The following DRC11 variants were observed in gnomAD, a reference collection of about 807,000 sequenced individuals.
DRC11 encodes the protein dynein regulatory complex subunit 11, also known as IQ and AAA domain-containing protein 1.
At chr2:236,368,385 G>A in the DRC11 span, 8 of 708,216 alleles carry the variant, frequency 1.1e-5, no homozygotes, top group East Asian at 8.2e-5. Context: ...CAAAACGATC[G>A]GAGAATACAA....
chr2:236,459,567 ATG>A, the DRC11 span, among the ~76,000 whole-genome samples: 80 of 143,768 alleles, frequency 5.6e-4, no homozygotes, highest in Admixed American at 1.2e-3. Flanking sequence ...ATACGTATAT[ATG>A]TGTATACATA....
At chr2:236,460,219 A>G in the DRC11 span, among the ~76,000 whole-genome samples, 1 of 152,240 alleles carries the variant, frequency 6.6e-6, no homozygotes, top group Admixed American at 6.5e-5. This position sits in a 1 kb window ranked among gnomAD's most constrained non-coding sequence, Gnocchi z 4.0. Flanking sequence ...AAGTCTGCAC[A>G]GCACACCCAC....
At chr2:236,374,630 C>T in the DRC11 span, among the ~76,000 whole-genome samples, 15 of 152,044 alleles carry the variant, frequency 9.9e-5, no homozygotes, top group Admixed American at 3.3e-4. Context: ...ATTGTGAGAA[C>T]GAAAGCAAGA....
the DRC11 span, among the ~76,000 whole-genome samples, chr2:236,329,329 C>T: frequency 6.6e-6 from 1 of 152,332 alleles, no homozygotes; most frequent in East Asian, 1.9e-4. Flanking sequence ...ATTATCCGGC[C>T]TACCATGCCT....
the DRC11 span, chr2:236,408,437 GCC>G: frequency 1.4e-6 from 1 of 740,114 alleles, no homozygotes; most frequent in Non-Finnish European, 2.5e-6. This position sits in a 1 kb window ranked among gnomAD's most constrained non-coding sequence, Gnocchi z 5.5. Flanking sequence ...ATCTCATCCT[GCC>G]CAAACACTTG....
At chr2:236,347,514 A>C in the DRC11 span, among the ~76,000 whole-genome samples, 1 of 142,662 alleles carries the variant, frequency 7.0e-6, no homozygotes, top group African/African-American at 2.5e-5. Flanking sequence ...TGTGCTATAT[A>C]TATATATATA....
At chr2:236,317,113 T>C in the DRC11 span, among the ~76,000 whole-genome samples, 1 of 152,038 alleles carries the variant, frequency 6.6e-6, no homozygotes, top group East Asian at 1.9e-4. This position sits in a 1 kb window ranked among gnomAD's most constrained non-coding sequence, Gnocchi z 5.4. Context: ...CTGGCCAACA[T>C]GGTGAAACTC....
the DRC11 span, chr2:236,409,069 G>A: frequency 1.8e-6 from 1 of 545,786 alleles, no homozygotes; most frequent in Non-Finnish European, 3.3e-6. Context: ...AGGACTTCTT[G>A]TGAGACATCA....
the DRC11 span, among the ~76,000 whole-genome samples, chr2:236,394,983 C>CAGAAAA: frequency 6.6e-6 from 1 of 152,348 alleles, no homozygotes; most frequent in South Asian, 2.1e-4. The surrounding 1 kb of genome is among the most constrained non-coding windows in gnomAD (Gnocchi z 7.0). Context: ...ATGCAAATTT[C>CAGAAAA]TTTCAGAATG....
At chr2:236,327,109 A>G in the DRC11 span, among the ~76,000 whole-genome samples, 3 of 152,132 alleles carry the variant, frequency 2.0e-5, no homozygotes, top group Non-Finnish European at 4.4e-5. Context: ...CTGCTTCTAT[A>G]AGATCCTCTA....
At chr2:236,496,129 T>C in the DRC11 span, among the ~76,000 whole-genome samples, 1 of 152,242 alleles carries the variant, frequency 6.6e-6, no homozygotes, top group Non-Finnish European at 1.5e-5. The surrounding 1 kb of genome is among the most constrained non-coding windows in gnomAD (Gnocchi z 6.3). Flanking sequence ...TTGTTCATAT[T>C]GTCACTTTAG....
At chr2:236,332,549 A>C in the DRC11 span, 1 of 152,168 alleles carries the variant, frequency 6.6e-6, no homozygotes, top group African/African-American at 2.4e-5. The surrounding 1 kb of genome is among the most constrained non-coding windows in gnomAD (Gnocchi z 5.1). Context: ...TTCTTGAGGA[A>C]CACTTGAAAC....
the DRC11 span, among the ~76,000 whole-genome samples, chr2:236,412,174 C>T: frequency 6.6e-6 from 1 of 152,282 alleles, no homozygotes; most frequent in South Asian, 2.1e-4. Flanking sequence ...GGATTATAGG[C>T]GTGGGCCACT....
At chr2:236,442,176 A>T in the DRC11 span, among the ~76,000 whole-genome samples, 1 of 152,186 alleles carries the variant, frequency 6.6e-6, no homozygotes, top group South Asian at 2.1e-4. Context: ...AAGTAAGCTC[A>T]TTATATGTTA....
chr2:236,448,553 C>A, the DRC11 span, among the ~76,000 whole-genome samples: 1 of 152,102 alleles, frequency 6.6e-6, no homozygotes, highest in Non-Finnish European at 1.5e-5. This position sits in a 1 kb window ranked among gnomAD's most constrained non-coding sequence, Gnocchi z 5.3. Flanking sequence ...CCAGGCTGGT[C>A]TCGAACTCCT....
At chr2:236,350,102 C>A in the DRC11 span, among the ~76,000 whole-genome samples, 1 of 152,194 alleles carries the variant, frequency 6.6e-6, no homozygotes, top group Non-Finnish European at 1.5e-5. This position sits in a 1 kb window ranked among gnomAD's most constrained non-coding sequence, Gnocchi z 5.2. Context: ...AGCTGCGCAG[C>A]CTTGAAACAG....
chr2:236,386,871 C>T, the DRC11 span, among the ~76,000 whole-genome samples: 1 of 148,182 alleles, frequency 6.7e-6, no homozygotes, highest in Non-Finnish European at 1.5e-5. Context: ...TGTCTTTGTT[C>T]TCGTTGGTTT....
chr2:236,353,647 T>C, the DRC11 span, among the ~76,000 whole-genome samples: 1 of 152,098 alleles, frequency 6.6e-6, no homozygotes, highest in Non-Finnish European at 1.5e-5. The surrounding 1 kb of genome is among the most constrained non-coding windows in gnomAD (Gnocchi z 5.0). Context: ...AACTCATTCA[T>C]TCATTCATTC....
chr2:236,462,149 T>C, the DRC11 span, among the ~76,000 whole-genome samples: 1 of 151,970 alleles, frequency 6.6e-6, no homozygotes, highest in Admixed American at 6.6e-5. The surrounding 1 kb of genome is among the most constrained non-coding windows in gnomAD (Gnocchi z 6.4). Context: ...GTGGGGCTGA[T>C]GGTAGCAAAA....
Sources: allele counts gnomAD v4.1 joint callset (sites outside exome capture counted in the v4.1 genomes callset), GRCh38; gene constraint gnomAD v4.1.1; non-coding constraint Gnocchi (gnomAD v3.1); transcripts MANE v1.5; gene names NCBI Gene and HGNC (gene_info 2026-07-23, HGNC 2026-07-21).